FHOD3: variants seen among roughly 807,000 people sequenced by gnomAD.
FHOD3 encodes the protein FH1/FH2 domain-containing protein 3.
Under a neutral mutation model 173.0 loss-of-function variants are expected in FHOD3, and 90 were observed. That is an observed-to-expected ratio of 0.52 (90% CI 0.44 to 0.62). The LOEUF is 0.62. Among genes scored for constraint, FHOD3 ranks in the 20% least tolerant of loss-of-function variants. The pLI, the probability that FHOD3 is intolerant of heterozygous loss-of-function variation, is 0.00. For missense variants in FHOD3, 1,945 were observed against 2,034.7 expected, an observed-to-expected ratio of 0.96 and a Z score of 0.85; for synonymous variants, 828 against 823.0, an observed-to-expected ratio of 1.01 and a Z score of -0.10.
intron 7 of FHOD3, among the ~76,000 whole-genome samples, chr18:36,596,311 T>C (rs1054462726): frequency 7.3e-5 from 10 of 137,144 alleles, no homozygotes; most frequent in South Asian, 2.4e-4. Flanking sequence ...CCCACCACCA[T>C]GCCCAGCTAA....
At chr18:36,730,386 A>C (rs1351597186) in intron 19 of FHOD3, among the ~76,000 whole-genome samples, 1 of 152,156 alleles carries the variant, frequency 6.6e-6, no homozygotes, top group Non-Finnish European at 1.5e-5. Context: ...GCAAAATATC[A>C]CATTTTCCCA....
At chr18:36,438,868 G>A (rs908110140) in intron 3 of FHOD3, among the ~76,000 whole-genome samples, 4 of 152,214 alleles carry the variant, frequency 2.6e-5, no homozygotes, top group African/African-American at 7.2e-5. Flanking sequence ...ACTGACATCC[G>A]TGTGGCCTCA....
rs1393712524 is a variant in FHOD3, at chr18:36,693,054, T to G, written c.2022-155T>G. The G allele has an allele frequency of 5.9e-6, 4 of 683,208 alleles. No individual in the cohort carries two copies. The East Asian group carries it at 1.1e-4, about 19-fold the overall frequency. 42.3% of individuals were successfully genotyped at this position (683,208 alleles called of 1,614,324 possible). A position where few individuals can be genotyped will look rare whatever the true frequency, so the allele number is the denominator to read the frequency against. On this transcript the variant is annotated intron_variant, in intron 16 of 28. Transcript: ENST00000590592. ...TTAATCATTAGCATCTTGGCTTTGC[T>G]GGGTGTTTTTGGCAGGCTGACTCTC...
intron 3 of FHOD3, among the ~76,000 whole-genome samples, chr18:36,443,756 A>G (rs1266554097): frequency 4.6e-5 from 7 of 152,188 alleles, no homozygotes; most frequent in African/African-American, 1.7e-4. Context: ...ATGCATATTT[A>G]CTTTCCTGTC....
At chr18:36,752,350 C>G (rs569577560) in intron 24 of FHOD3, among the ~76,000 whole-genome samples, 1 of 152,272 alleles carries the variant, frequency 6.6e-6, no homozygotes, top group South Asian at 2.1e-4. Context: ...CAAGTAAACA[C>G]CAAGACTGGT....
rs2034047343 is a variant in FHOD3, at chr18:36,625,664, A to C, written c.1111A>C (p.Lys371Gln). ...CCGCAGGCACTCGGTGCAGAGCATC[A>C]AGAGCACCCTGTCGGCCCCCACCAG... ...RSRRHSVQSI[K>Q]STLSAPTSPC... The change falls in exon 10 of 29, where the codon AAG becomes CAG. Residue 371 changes from lysine (K) to glutamine (Q), a missense_variant. This residue lies in a region of FHOD3 where 1,099 missense variants were observed against 1,051.2 expected (regional missense o/e 1.05). Transcript: ENST00000590592. The C allele has an allele frequency of 6.2e-7, 1 of 1,612,518 alleles. No individual in the cohort carries two copies. Among genetic ancestry groups the C allele is most frequent in the Non-Finnish European group, 8.5e-7 (1 of 1,179,130 alleles).
chr18:36,349,126 G>A (rs898431772), intron 1 of FHOD3, among the ~76,000 whole-genome samples: 1 of 152,190 alleles, frequency 6.6e-6, no homozygotes, highest in African/African-American at 2.4e-5. Context: ...TGGAGGCTTG[G>A]CCATCCAGGC....
chr18:36,530,670 A>G (rs951516374), intron 5 of FHOD3, among the ~76,000 whole-genome samples: 1 of 152,272 alleles, frequency 6.6e-6, no homozygotes, highest in African/African-American at 2.4e-5. Context: ...CAATGCCAGC[A>G]TGCACATTCT....
At chr18:36,440,151 C>T (rs1245657839) in intron 3 of FHOD3, among the ~76,000 whole-genome samples, 2 of 152,158 alleles carry the variant, frequency 1.3e-5, no homozygotes, top group Non-Finnish European at 2.9e-5. Flanking sequence ...TTCTTTGTTT[C>T]GAATAAGCTC....
At chr18:36,557,770 A>G (rs1226615545) in intron 5 of FHOD3, among the ~76,000 whole-genome samples, 2 of 151,754 alleles carry the variant, frequency 1.3e-5, no homozygotes, top group Non-Finnish European at 2.9e-5. Context: ...ATTGAATTTC[A>G]CACACTGTGA....
chr18:36,427,286 TAA>T (rs35854743), intron 3 of FHOD3, among the ~76,000 whole-genome samples: 869 of 79,464 alleles, frequency 0.011, 14 homozygotes, highest in African/African-American at 0.036. Flanking sequence ...CTTGCTTCTC[TAA>T]AAAAAAAAAA....
At chr18:36,587,621 A>G (rs564063210) in intron 6 of FHOD3, among the ~76,000 whole-genome samples, 114 of 152,192 alleles carry the variant, frequency 7.5e-4, no homozygotes, top group African/African-American at 2.6e-3. Flanking sequence ...GAGAAACCCC[A>G]TGTCTACTAA....
At chr18:36,417,491 C>G (rs2049729293) in intron 3 of FHOD3, among the ~76,000 whole-genome samples, 1 of 152,120 alleles carries the variant, frequency 6.6e-6, no homozygotes, top group African/African-American at 2.4e-5. Flanking sequence ...TAGGTTGATT[C>G]CATGTCTTTG....
chr18:36,779,318 G>A, intron 28 of FHOD3, 130 bp from the exon 29 acceptor site: 1 of 776,206 alleles, frequency 1.3e-6, no homozygotes. Flanking sequence ...GGTACAGAGT[G>A]TGAACCCTCT....
At chr18:36,570,941 C>A (rs2058430204) in intron 5 of FHOD3, among the ~76,000 whole-genome samples, 1 of 152,100 alleles carries the variant, frequency 6.6e-6, no homozygotes, top group Non-Finnish European at 1.5e-5. Context: ...TTAATGCTTT[C>A]TCCCTAATAT....
At chr18:36,325,904 G>T (rs1226803350) in intron 1 of FHOD3, among the ~76,000 whole-genome samples, 2 of 152,228 alleles carry the variant, frequency 1.3e-5, no homozygotes, top group Non-Finnish European at 2.9e-5. Flanking sequence ...GAGCAGGCAA[G>T]AATTCCATTG....
rs781710376 is a variant in FHOD3, at chr18:36,681,590, T to A, written c.1970+20T>A. On this transcript the variant is annotated intron_variant, in intron 15 of 28. Coordinates refer to ENST00000590592, the MANE Select transcript of FHOD3 (RefSeq NM_001281740.3). ...ATTCAGGTAAGAAGGATCTTAAGAT[T>A]TTTTTTAAATAGTGAGTTAAAAATT... 5 of 1,573,846 alleles carry A rather than the reference T, an allele frequency of 3.2e-6. No individual in the cohort carries two copies. In the East Asian group the frequency reaches 1.1e-4, roughly 36 times the overall value.
intron 3 of FHOD3, among the ~76,000 whole-genome samples, chr18:36,425,956 A>C (rs1443883744): frequency 1.3e-5 from 2 of 149,932 alleles, no homozygotes; most frequent in Middle Eastern, 3.5e-3. Flanking sequence ...GCTGGAGTGC[A>C]GTGGCGCGAT....
chr18:36,298,433 C>T (rs944260279), intron 1 of FHOD3, among the ~76,000 whole-genome samples: 4 of 152,188 alleles, frequency 2.6e-5, no homozygotes, highest in Admixed American at 2.6e-4. Context: ...GAGCTCTGAG[C>T]GACGGCCGGG....
Sources: gnomAD v4.1 joint callset for allele counts (sites outside exome capture counted in the v4.1 genomes callset) on GRCh38, gnomAD v4.1.1 for gene constraint, gnomAD v4.1.1 regional missense constraint, MANE v1.5 for transcripts, NCBI Gene and HGNC (gene_info 2026-07-23, HGNC 2026-07-21) for gene names.